Variants in CCDC102B observed in about 807,000 individuals in gnomAD.
The protein encoded by CCDC102B is coiled-coil domain-containing protein 102B.
A neutral mutation model predicts 57.4 loss-of-function variants in CCDC102B; 75 were observed. The ratio of observed to expected loss-of-function variants is 1.31; its 90% CI spans 1.08 to 1.58. The LOEUF (loss-of-function observed/expected upper bound fraction) is 1.58, where lower values mean the gene tolerates loss of function less well. Ranked by LOEUF, CCDC102B falls within the 40% of genes most tolerant of loss-of-function variation. The probability of loss-of-function intolerance (pLI) is 0.00; values close to 1 mark genes in which losing one functional copy is unlikely to be tolerated. For synonymous variants in CCDC102B, 206 were observed against 201.9 expected, an observed-to-expected ratio of 1.02 and a Z score of -0.17; for missense variants, 636 against 582.6, an observed-to-expected ratio of 1.09 and a Z score of -0.94.
At chr18:68,756,882 TG>T in intron 2 of CCDC102B, among the ~76,000 whole-genome samples, 1 of 38,690 alleles carries the variant, frequency 2.6e-5, no homozygotes, top group South Asian at 1.4e-3. Context: ...CTATATCTGG[TG>T]TGTGTGTGTG....
At chr18:68,780,482 T>C (rs965964585) in intron 2 of CCDC102B, among the ~76,000 whole-genome samples, 11 of 152,032 alleles carry the variant, frequency 7.2e-5, no homozygotes, top group African/African-American at 2.4e-5. Flanking sequence ...TTTTTTTTTT[T>C]TTGCTTCCAT....
intron 7 of CCDC102B, among the ~76,000 whole-genome samples, chr18:69,028,931 G>GT (rs141189398): frequency 0.078 from 11,747 of 151,524 alleles, 1,526 homozygotes; most frequent in African/African-American, 0.27. Context: ...ATTGTTCATG[G>GT]CATGTTAAGG....
At position 68,744,814 on chromosome 18, in the gene CCDC102B, T is replaced by C. The variant is rs537221397; in HGVS notation, c.-67+28220T>C. ...GTGAGCATTGAAAAGTTATTGTACA[T>C]CACTATGTTTTCAATACTTAGTTAT... On this transcript the variant is annotated intron_variant, in intron 2 of 3. Transcript: ENST00000578970. 3.9e-5 allele frequency among the ~76,000 whole-genome samples: 6 copies of C among 152,260 alleles called. No homozygotes were observed. The South Asian group carries it at 1.2e-3, about 32-fold the overall frequency.
intron 2 of CCDC102B, among the ~76,000 whole-genome samples, chr18:68,722,401 C>T (rs1001087020): frequency 1.3e-5 from 2 of 152,112 alleles, no homozygotes; most frequent in Admixed American, 6.5e-5. Context: ...TGGGATGCTC[C>T]TCATCCAGCT....
chr18:69,011,177 C>T lies in CCDC102B; in HGVS notation c.1434+73C>T. The T allele has an allele frequency of 2.3e-6, 3 of 1,317,760 alleles. No homozygotes were observed. The South Asian group carries it at 5.0e-5, about 22-fold the overall frequency. The allele number at this position is 1,317,760 out of a possible 1,614,324, so 81.6% of individuals were successfully genotyped here. A position where few individuals can be genotyped will look rare whatever the true frequency, so the allele number is the denominator to read the frequency against. The stretch of plus-strand genomic sequence containing the variant: ...TTTAGAGCATATCTAAAGATTGTCT[C>T]CCTTATTAACATATGGCATTAATGG... On this transcript the variant is annotated intron_variant, in intron 7 of 7. Coordinates refer to ENST00000360242, the MANE Select transcript of CCDC102B (RefSeq NM_024781.3).
chr18:69,058,087 C>G (rs1014224943), downstream of CCDC102B, among the ~76,000 whole-genome samples: 1 of 151,948 alleles, frequency 6.6e-6, no homozygotes, highest in Non-Finnish European at 1.5e-5. Context: ...TAAGTGAGAA[C>G]AGGTGGTATT....
intron 2 of CCDC102B, among the ~76,000 whole-genome samples, chr18:68,724,870 C>T (rs886526881): frequency 3.3e-5 from 5 of 152,194 alleles, no homozygotes; most frequent in Admixed American, 2.0e-4. Context: ...TATAGCAGCA[C>T]TCCACTCTAT....
intron 6 of CCDC102B, among the ~76,000 whole-genome samples, chr18:68,952,418 A>G (rs1748817629): frequency 6.6e-6 from 1 of 152,118 alleles, no homozygotes; most frequent in Admixed American, 6.6e-5. Flanking sequence ...CATTTTACCC[A>G]ATCATTTTGA....
In CCDC102B at chr18:68,719,816, A is replaced by G. The variant is rs557315123; in HGVS notation, c.-67+3222A>G. Reference sequence around the variant, plus strand: ...ATCAAAAAATAGGGAACACTCACCAATTTCTTCAGAGGCTAGTATAAACTT... The same window carrying G: ...ATCAAAAAATAGGGAACACTCACCAGTTTCTTCAGAGGCTAGTATAAACTT... On this transcript the variant is annotated intron_variant, in intron 2 of 3. Transcript: ENST00000578970. 2.4e-3 allele frequency among the ~76,000 whole-genome samples: 370 copies of G among 152,308 alleles called. 1 individual carries two copies. The highest frequency in any genetic ancestry group is 4.7e-3 in the Non-Finnish European group (321 of 68,026).
chr18:68,991,742 A>G (rs555450515), intron 6 of CCDC102B, among the ~76,000 whole-genome samples: 6 of 152,356 alleles, frequency 3.9e-5, no homozygotes, highest in Non-Finnish European at 7.3e-5. Flanking sequence ...AAGTCGTTAA[A>G]TATCACACTG....
At chr18:68,952,593 C>A (rs2049729333) in intron 6 of CCDC102B, among the ~76,000 whole-genome samples, 1 of 151,966 alleles carries the variant, frequency 6.6e-6, no homozygotes, top group East Asian at 1.9e-4. Flanking sequence ...GAAGAAAAGT[C>A]AAAATTTAAG....
upstream of CCDC102B, among the ~76,000 whole-genome samples, chr18:68,793,262 T>C (rs1377951634): frequency 6.6e-6 from 1 of 152,174 alleles, no homozygotes; most frequent in Admixed American, 6.5e-5. Flanking sequence ...TTTACAAATA[T>C]TGTTGTCATT....
At chr18:68,752,465 C>T (rs2033892313) in intron 2 of CCDC102B, among the ~76,000 whole-genome samples, 1 of 136,214 alleles carries the variant, frequency 7.3e-6, no homozygotes, top group African/African-American at 2.7e-5. Context: ...AAAAAGAAAA[C>T]AGTGAAAATG....
intron 1 of CCDC102B, among the ~76,000 whole-genome samples, chr18:68,812,569 G>A (rs182465845): frequency 7.9e-5 from 12 of 152,296 alleles, no homozygotes; most frequent in East Asian, 1.9e-4. Context: ...TAAATACCCC[G>A]TAGCAGAAGA....
At chr18:69,041,173 T>C (rs1457043266) in intron 7 of CCDC102B, among the ~76,000 whole-genome samples, 2 of 152,146 alleles carry the variant, frequency 1.3e-5, no homozygotes, top group African/African-American at 2.4e-5. Context: ...TTATCTCTTA[T>C]TACAGAATCA....
chr18:68,893,482 G>A (rs944986025), intron 5 of CCDC102B, among the ~76,000 whole-genome samples: 13 of 152,136 alleles, frequency 8.5e-5, no homozygotes, highest in African/African-American at 3.1e-4. Flanking sequence ...TTCTTTTAGA[G>A]TGCTGTCTTA....
intron 4 of CCDC102B, among the ~76,000 whole-genome samples, chr18:68,858,552 T>G (rs1363151835): frequency 1.3e-5 from 2 of 152,180 alleles, no homozygotes; most frequent in Non-Finnish European, 2.9e-5. Flanking sequence ...TCCTACCATC[T>G]GTCCATTGGC....
At chr18:68,921,957 A>G (rs1302334970) in intron 6 of CCDC102B, among the ~76,000 whole-genome samples, 2 of 152,156 alleles carry the variant, frequency 1.3e-5, no homozygotes, top group African/African-American at 4.8e-5. Context: ...CTTGGATTTG[A>G]TGCTCTGATA....
At chr18:68,853,514 T>A (rs2038230369) in intron 4 of CCDC102B, among the ~76,000 whole-genome samples, 1 of 151,924 alleles carries the variant, frequency 6.6e-6, no homozygotes, top group African/African-American at 2.4e-5. Flanking sequence ...GTATTAGTTA[T>A]TTTTAAATTA....
Sources: gnomAD v4.1 joint callset for allele counts (sites outside exome capture counted in the v4.1 genomes callset) on GRCh38, gnomAD v4.1.1 for gene constraint, MANE v1.5 for transcripts, NCBI Gene and HGNC (gene_info 2026-07-23, HGNC 2026-07-21) for gene names.